KLHL32: variants seen among roughly 807,000 people sequenced by gnomAD.
KLHL32 encodes kelch-like protein 32.
KLHL32 carries 35 observed loss-of-function variants against 64.8 expected under a neutral mutation model. The ratio of observed to expected loss-of-function variants is 0.54; its 90% CI spans 0.41 to 0.72. KLHL32 has a LOEUF of 0.72. Among genes scored for constraint, KLHL32 ranks in the 30% least tolerant of loss-of-function variants. KLHL32 has a pLI of 0.00. For missense variants in KLHL32, 589 were observed against 768.5 expected, an observed-to-expected ratio of 0.77 and a Z score of 2.76; for synonymous variants, 259 against 281.0, an observed-to-expected ratio of 0.92 and a Z score of 0.78.
chr6:97,071,415 T>C (rs1298890212), intron 5 of KLHL32, among the ~76,000 whole-genome samples: 1 of 152,132 alleles, frequency 6.6e-6, no homozygotes, highest in Non-Finnish European at 1.5e-5. Flanking sequence ...CAAGTGTTCT[T>C]CCATTAGCTC....
chr6:97,095,739 A>T (rs1048420809), intron 6 of KLHL32, among the ~76,000 whole-genome samples: 5 of 152,266 alleles, frequency 3.3e-5, no homozygotes, highest in African/African-American at 1.2e-4. Context: ...CCGGGAGCAC[A>T]CAAGAAGTAA....
At chr6:97,079,475 C>T (rs957817315) in intron 5 of KLHL32, among the ~76,000 whole-genome samples, 3 of 152,180 alleles carry the variant, frequency 2.0e-5, no homozygotes, top group African/African-American at 7.2e-5. Context: ...CAATATTTGC[C>T]TTTCCCATAT....
At chr6:96,914,700 G>C in the KLHL32 span, 1 of 150,926 alleles carries the variant, frequency 6.6e-6, no homozygotes, top group African/African-American at 2.4e-5. Context: ...TTTTTTTTTA[G>C]AGACAAGGTC....
At chr6:96,935,121 C>T (rs1465293566) in intron 1 of KLHL32, among the ~76,000 whole-genome samples, 1 of 152,142 alleles carries the variant, frequency 6.6e-6, no homozygotes, top group African/African-American at 2.4e-5. Context: ...CAAGGTTATG[C>T]ATGGCAGGAT....
chr6:96,935,548 C>G (rs147985623), intron 1 of KLHL32, among the ~76,000 whole-genome samples: 141 of 152,240 alleles, frequency 9.3e-4, no homozygotes, highest in Admixed American at 4.0e-3. Context: ...CGTCTATCAT[C>G]AATTGATTTT....
intron 7 of KLHL32, 95 bp from the exon 8 acceptor site, chr6:97,127,309 A>T: frequency 5.2e-6 from 5 of 969,692 alleles, no homozygotes; most frequent in Non-Finnish European, 6.6e-6. Flanking sequence ...GATCCTCAGC[A>T]GTAGCTAATT....
At chr6:96,995,350 T>C (rs1407059214) in intron 3 of KLHL32, among the ~76,000 whole-genome samples, 2 of 152,216 alleles carry the variant, frequency 1.3e-5, no homozygotes, top group African/African-American at 2.4e-5. Context: ...TTCCCAACTT[T>C]TCATTTCCTG....
At chr6:97,039,574 C>T (rs1358111582) in intron 3 of KLHL32, among the ~76,000 whole-genome samples, 1 of 145,402 alleles carries the variant, frequency 6.9e-6, no homozygotes, top group Non-Finnish European at 1.5e-5. Flanking sequence ...GTAATCCCAG[C>T]ACTTTGGGAG....
At chr6:96,985,769 T>A (rs1016113281) in intron 3 of KLHL32, among the ~76,000 whole-genome samples, 1 of 152,168 alleles carries the variant, frequency 6.6e-6, no homozygotes, top group Non-Finnish European at 1.5e-5. Context: ...TAGTTAGCCA[T>A]TCATCTAATT....
chr6:97,084,982 A>G (rs1466266803), intron 5 of KLHL32, 144 bp from the exon 6 acceptor site: 2 of 655,442 alleles, frequency 3.1e-6, no homozygotes, highest in Non-Finnish European at 5.2e-6. Flanking sequence ...TATAATTGTG[A>G]TTTCTTTTTT....
At chr6:97,048,208 C>T (rs1379039536) in intron 4 of KLHL32, among the ~76,000 whole-genome samples, 1 of 152,186 alleles carries the variant, frequency 6.6e-6, no homozygotes, top group Non-Finnish European at 1.5e-5. Flanking sequence ...CAATTCTCCA[C>T]TTCCAGGCAC....
At chr6:97,015,307 G>T (rs1409418100) in intron 3 of KLHL32, among the ~76,000 whole-genome samples, 1 of 152,200 alleles carries the variant, frequency 6.6e-6, no homozygotes, top group Non-Finnish European at 1.5e-5. Flanking sequence ...TGGATAACAG[G>T]CAGAGGTTGG....
intron 3 of KLHL32, among the ~76,000 whole-genome samples, chr6:97,013,537 C>CACAT (rs1780692453): frequency 6.6e-6 from 1 of 152,236 alleles, no homozygotes; most frequent in African/African-American, 2.4e-5. Context: ...CTCTCCCCAC[C>CACAT]ACATACATAC....
At chr6:97,081,468 T>C (rs1265470898) in intron 5 of KLHL32, among the ~76,000 whole-genome samples, 1 of 152,246 alleles carries the variant, frequency 6.6e-6, no homozygotes, top group Non-Finnish European at 1.5e-5. Flanking sequence ...AGGGGCAGTC[T>C]ATTCTCAGTC....
chr6:97,020,807 T>C (rs916863203), intron 3 of KLHL32, among the ~76,000 whole-genome samples: 6 of 150,952 alleles, frequency 4.0e-5, no homozygotes, highest in Non-Finnish European at 8.8e-5. Context: ...TCCTCCCACT[T>C]GCTGGCTGCC....
chr6:97,049,261 A>G (rs1397718072), intron 4 of KLHL32, among the ~76,000 whole-genome samples: 1 of 152,234 alleles, frequency 6.6e-6, no homozygotes, highest in Non-Finnish European at 1.5e-5. Context: ...ATACACCAGC[A>G]TCACTTCTCT....
intron 4 of KLHL32, among the ~76,000 whole-genome samples, chr6:97,063,401 C>T (rs935746541): frequency 1.3e-5 from 2 of 152,132 alleles, no homozygotes; most frequent in African/African-American, 4.8e-5. Flanking sequence ...TATAGTGATG[C>T]AGGAACAAGA....
intron 6 of KLHL32, among the ~76,000 whole-genome samples, chr6:97,087,645 A>C (rs1039323830): frequency 2.0e-5 from 3 of 152,192 alleles, no homozygotes; most frequent in Admixed American, 1.3e-4. Flanking sequence ...GGGGCGTGCT[A>C]TTTGATTAAT....
intron 2 of KLHL32, among the ~76,000 whole-genome samples, chr6:96,969,945 A>C (rs146601200): frequency 2.7e-4 from 41 of 152,292 alleles, no homozygotes; most frequent in African/African-American, 9.4e-4. Context: ...CTCTTCTACA[A>C]TTCTGATTCT....
Sources: gnomAD v4.1 joint callset for allele counts (sites outside exome capture counted in the v4.1 genomes callset) on GRCh38, gnomAD v4.1.1 for gene constraint, MANE v1.5 for transcripts, NCBI Gene and HGNC (gene_info 2026-07-23, HGNC 2026-07-21) for gene names.